UNC13C: variants seen among roughly 807,000 people sequenced by gnomAD.
UNC13C encodes the protein protein unc-13 homolog C.
A neutral mutation model predicts 245.4 loss-of-function variants in UNC13C; 174 were observed. The observed-to-expected ratio is 0.71, with a 90% CI of 0.63 to 0.80. UNC13C has a LOEUF of 0.80. Among genes scored for constraint, UNC13C ranks in the 30% least tolerant of loss-of-function variants. The pLI, the probability that UNC13C is intolerant of heterozygous loss-of-function variation, is 0.00. For missense variants in UNC13C, 2,829 were observed against 2,602.9 expected, an observed-to-expected ratio of 1.09 and a Z score of -1.89; for synonymous variants, 992 against 895.1, an observed-to-expected ratio of 1.11 and a Z score of -1.93.
At chr15:54,324,536 C>G (rs1348078972) in intron 14 of UNC13C, among the ~76,000 whole-genome samples, 1 of 151,870 alleles carries the variant, frequency 6.6e-6, no homozygotes, top group African/African-American at 2.4e-5. Context: ...GAGATGCAAG[C>G]AAAGTTTACC....
At chr15:53,929,194 TA>T in the UNC13C span, among the ~76,000 whole-genome samples, 6 of 152,134 alleles carry the variant, frequency 3.9e-5, no homozygotes, top group Non-Finnish European at 8.8e-5. Context: ...ACTCCCTTTA[TA>T]AAACCATCAG....
chr15:54,059,648 C>T (rs988226453), intron 2 of UNC13C, among the ~76,000 whole-genome samples: 9 of 152,184 alleles, frequency 5.9e-5, no homozygotes, highest in African/African-American at 1.7e-4. Context: ...AAAAAGAGCC[C>T]ACATTGCCAA....
chr15:54,045,141 T>C (rs1296596518), intron 2 of UNC13C, among the ~76,000 whole-genome samples: 5 of 152,158 alleles, frequency 3.3e-5, no homozygotes, highest in African/African-American at 1.2e-4. Flanking sequence ...AGCTAACCAT[T>C]GCCAAATCCA....
At chr15:54,271,654 T>C (rs1190456924) in intron 10 of UNC13C, among the ~76,000 whole-genome samples, 1 of 152,190 alleles carries the variant, frequency 6.6e-6, no homozygotes, top group Non-Finnish European at 1.5e-5. Flanking sequence ...TCATGCTGAC[T>C]CCCTGCAAGA....
At chr15:54,082,345 A>G (rs1055639776) in intron 2 of UNC13C, among the ~76,000 whole-genome samples, 17 of 142,450 alleles carry the variant, frequency 1.2e-4, no homozygotes, top group Non-Finnish European at 2.5e-4. Context: ...TTCCTGAACT[A>G]TTCTTTCAAA....
chr15:53,873,635 T>G, the UNC13C span, among the ~76,000 whole-genome samples: 1 of 127,060 alleles, frequency 7.9e-6, no homozygotes, highest in East Asian at 2.3e-4. Context: ...GTTACCCTGA[T>G]GCACGAAGTG....
chr15:53,974,255 T>C (rs748915790), upstream of UNC13C, among the ~76,000 whole-genome samples: 4 of 152,200 alleles, frequency 2.6e-5, no homozygotes, highest in Non-Finnish European at 5.9e-5. Flanking sequence ...TGGCACAAAT[T>C]TGTGAGACAG....
At chr15:54,602,186 T>TC (rs1566933709) in intron 30 of UNC13C, among the ~76,000 whole-genome samples, 1 of 152,218 alleles carries the variant, frequency 6.6e-6, no homozygotes, top group Non-Finnish European at 1.5e-5. Context: ...TGTAGTGGTT[T>TC]CCATGGAGTT....
chr15:54,465,798 T>C (rs1015763441), intron 19 of UNC13C, among the ~76,000 whole-genome samples: 1 of 151,968 alleles, frequency 6.6e-6, no homozygotes, highest in Non-Finnish European at 1.5e-5. Flanking sequence ...AACAAAGATA[T>C]CAGGTTAAGA....
chr15:54,129,844 T>C (rs757800058), intron 2 of UNC13C, among the ~76,000 whole-genome samples: 1 of 151,620 alleles, frequency 6.6e-6, no homozygotes, highest in Non-Finnish European at 1.5e-5. Flanking sequence ...AAAAAAGTCT[T>C]TATTTATACT....
In UNC13C at chr15:54,445,157, A is replaced by G. The variant is rs532650418; in HGVS notation, c.4933+30090A>G. 9.9e-5 allele frequency among the ~76,000 whole-genome samples: 15 copies of G among 152,092 alleles called. No homozygotes were observed. In the South Asian group the frequency reaches 3.1e-3, roughly 32 times the overall value. ...AAAGGACATGAACCCATCATTTTTT[A>G]TGGCTGCATAGTATTCCACGGTGTA... On this transcript the variant is annotated intron_variant, in intron 19 of 32. Transcript: ENST00000260323.
rs556894881 is a variant in UNC13C at position 54,611,263 on chromosome 15, A to C, written c.6107-11064A>C. 2.6e-5 allele frequency among the ~76,000 whole-genome samples: 4 copies of C among 152,324 alleles called. No individual in the cohort carries two copies. The South Asian group carries it at 8.3e-4, about 32-fold the overall frequency. On this transcript the variant is annotated intron_variant, in intron 30 of 32. Transcript: ENST00000260323. ...TAAATTTGTTTACAATTGATAGAACAATTTCTAAAGCTTAGGATTGAATTT... is the reference window on the plus strand; with the variant it reads ...TAAATTTGTTTACAATTGATAGAACCATTTCTAAAGCTTAGGATTGAATTT...
intron 18 of UNC13C, among the ~76,000 whole-genome samples, chr15:54,403,012 C>G (rs941596786): frequency 3.3e-5 from 5 of 152,210 alleles, no homozygotes; most frequent in African/African-American, 9.7e-5. Flanking sequence ...AGTAGGTGCT[C>G]CACAATGGTA....
chr15:54,362,489 C>T (rs776526935), intron 17 of UNC13C, among the ~76,000 whole-genome samples: 1 of 152,190 alleles, frequency 6.6e-6, no homozygotes, highest in Non-Finnish European at 1.5e-5. Flanking sequence ...TCTTTGAATA[C>T]TTTCTAATTA....
intron 17 of UNC13C, among the ~76,000 whole-genome samples, chr15:54,351,758 A>G (rs1310246823): frequency 1.3e-5 from 2 of 152,140 alleles, no homozygotes; most frequent in Non-Finnish European, 2.9e-5. Context: ...AGTGGATATA[A>G]TAGTTGCCAT....
At chr15:54,290,046 C>T (rs1362446176) in intron 10 of UNC13C, among the ~76,000 whole-genome samples, 1 of 152,066 alleles carries the variant, frequency 6.6e-6, no homozygotes, top group East Asian at 1.9e-4. Flanking sequence ...GAATCATAAA[C>T]TGAAATCTCC....
chr15:53,882,112 T>G, the UNC13C span, among the ~76,000 whole-genome samples: 1 of 152,188 alleles, frequency 6.6e-6, no homozygotes, highest in African/African-American at 2.4e-5. Context: ...TGAATGAAGA[T>G]TAATTAGGAG....
the UNC13C span, among the ~76,000 whole-genome samples, chr15:53,920,720 A>G: frequency 1.2e-4 from 19 of 152,026 alleles, no homozygotes; most frequent in African/African-American, 4.6e-4. Flanking sequence ...AGTCTTCTCC[A>G]TAAGAGAACC....
At chr15:53,963,620 C>CA in the UNC13C span, among the ~76,000 whole-genome samples, 2 of 152,092 alleles carry the variant, frequency 1.3e-5, no homozygotes, top group East Asian at 3.9e-4. Flanking sequence ...TCCTGGGAAA[C>CA]AGTAGACACT....
Sources: allele counts gnomAD v4.1 joint callset (sites outside exome capture counted in the v4.1 genomes callset), GRCh38; gene constraint gnomAD v4.1.1; transcripts MANE v1.5; gene names NCBI Gene and HGNC (gene_info 2026-07-23, HGNC 2026-07-21).